The following RPH3AL variants were observed in gnomAD, a reference collection of about 807,000 sequenced individuals.
RPH3AL encodes rabphilin 3A like (without C2 domains).
Under a neutral mutation model 43.1 loss-of-function variants are expected in RPH3AL, and 38 were observed. The observed-to-expected ratio is 0.88, with a 90% CI of 0.68 to 1.15. The LOEUF (loss-of-function observed/expected upper bound fraction) is 1.15, where lower values mean the gene tolerates loss of function less well. Among genes scored for constraint, RPH3AL ranks in the 50% most tolerant of loss-of-function variants. The pLI, the probability that RPH3AL is intolerant of heterozygous loss-of-function variation, is 0.00. For missense variants in RPH3AL, 462 were observed against 423.2 expected, an observed-to-expected ratio of 1.09 and a Z score of -0.81; for synonymous variants, 189 against 176.3, an observed-to-expected ratio of 1.07 and a Z score of -0.57.
rs112330329 is a variant in RPH3AL at position 304,205 on chromosome 17, A to G, written c.351+15215T>C. Among the ~76,000 whole-genome samples, 698 of 124,718 alleles carry G rather than the reference A, an allele frequency of 5.6e-3. 169 individuals are homozygous for G. The highest frequency in any genetic ancestry group is 0.027 in the African/African-American group (595 of 22,432). 81.8% of individuals were successfully genotyped at this position (124,718 alleles called of 152,430 possible). On this transcript the variant is annotated intron_variant, in intron 5 of 9. Transcript: ENST00000331302. ...TGTACTGAGGTTTTAATAATTATTG[A>G]GCAGTGACCGTGTCTCAGGCACCGT...
intron 5 of RPH3AL, among the ~76,000 whole-genome samples, chr17:296,468 A>G (rs992517856): frequency 2.0e-5 from 3 of 152,040 alleles, no homozygotes; most frequent in Non-Finnish European, 4.4e-5. Context: ...GGGAATGCAC[A>G]TCGGTGTGGG....
intron 6 of RPH3AL, among the ~76,000 whole-genome samples, chr17:280,811 G>C (rs2042762182): frequency 6.6e-6 from 1 of 152,180 alleles, no homozygotes; most frequent in Non-Finnish European, 1.5e-5. Flanking sequence ...GCTCTGAAAT[G>C]TATCCAGCGG....
intron 7 of RPH3AL, among the ~76,000 whole-genome samples, chr17:241,241 T>C (rs1162612967): frequency 6.6e-6 from 1 of 150,862 alleles, no homozygotes; most frequent in Non-Finnish European, 1.5e-5. Flanking sequence ...TATACGAATT[T>C]AAAAGTTTGG....
At chr17:269,057 T>G (rs544048871) in intron 6 of RPH3AL, among the ~76,000 whole-genome samples, 1 of 152,140 alleles carries the variant, frequency 6.6e-6, no homozygotes, top group Non-Finnish European at 1.5e-5. Flanking sequence ...TTTTTGTATT[T>G]TTAGTAGAGA....
rs1850275201 is a variant in RPH3AL at position 213,355 on chromosome 17, G to C, written c.*497C>G. 1 of 175,116 alleles carries C rather than the reference G, an allele frequency of 5.7e-6. No individual in the cohort carries two copies. Among genetic ancestry groups the C allele is most frequent in the African/African-American group, 2.4e-5 (1 of 41,670 alleles). The allele number at this position is 175,116 out of a possible 1,614,324, so 10.8% of individuals were successfully genotyped here. On this transcript the variant is annotated 3_prime_UTR_variant, in exon 10 of 10. Coordinates refer to ENST00000331302, the MANE Select transcript of RPH3AL (RefSeq NM_006987.4). ...AGGGGGGCACTGCGCCTGCCTCCCA[G>C]AGCTGAAGGGAGAGGGAGAGGGTGG...
intron 6 of RPH3AL, among the ~76,000 whole-genome samples, chr17:252,024 G>C (rs1555542749): frequency 6.7e-6 from 1 of 150,162 alleles, no homozygotes; most frequent in East Asian, 2.0e-4. Flanking sequence ...CCAGGACGGA[G>C]TGCAGTGGAG....
chr17:349,600 T>A lies in RPH3AL; in HGVS notation c.-213+3112A>T, dbSNP rs192068985. ...ACTTTGGGAGGCCAAGGTGGGAGGA[T>A]TGCTTGAGGCCAGGAGTTCGAGACC... On this transcript the variant is annotated intron_variant, in intron 1 of 9. Coordinates refer to ENST00000331302, the MANE Select transcript of RPH3AL (RefSeq NM_006987.4). 3.0e-3 allele frequency among the ~76,000 whole-genome samples: 461 copies of A among 152,210 alleles called. 7 individuals are homozygous for A. Among genetic ancestry groups the A allele is most frequent in the African/African-American group, 0.011 (452 of 41,524 alleles).
intron 1 of RPH3AL, among the ~76,000 whole-genome samples, chr17:336,392 C>G (rs73286626): frequency 0.04 from 6,127 of 152,240 alleles, 175 homozygotes; most frequent in East Asian, 0.11. Flanking sequence ...CAAGCGGGCT[C>G]GAGTGGATTC....
chr17:337,533 C>T (rs2044992479), intron 1 of RPH3AL, among the ~76,000 whole-genome samples: 1 of 152,232 alleles, frequency 6.6e-6, no homozygotes. Flanking sequence ...AAGACTCCTG[C>T]AGCCTTTCTT....
In RPH3AL at chr17:213,884, C is replaced by T; in HGVS notation, c.916G>A (p.Ala306Thr). 7.4e-6 allele frequency: 12 copies of T among 1,613,796 alleles called. No individual in the cohort carries two copies. Among genetic ancestry groups the T allele is most frequent in the Non-Finnish European group, 1.0e-5 (12 of 1,179,972 alleles). ...TPGRAPAADA[A>T]PAGPSSCLG is the part of the protein sequence containing the mutation. ...AGGCAGCTGGAGGGGCCTGCTGGAGCTGCGTCAGCAGCGGGGGCTCGTCCA... is the reference window on the plus strand; with the variant it reads ...AGGCAGCTGGAGGGGCCTGCTGGAGTTGCGTCAGCAGCGGGGGCTCGTCCA... Residue 306 changes from alanine to threonine, a missense_variant, in exon 10 of 10, where the codon GCT (alanine) becomes ACT (threonine). Physicochemically the swap from Ala to Thr is moderately conservative, Grantham distance 58 (BLOSUM62 0). Coordinates refer to ENST00000331302, the MANE Select transcript of RPH3AL (RefSeq NM_006987.4).
chr17:276,905 G>A (rs2042668800), intron 6 of RPH3AL, among the ~76,000 whole-genome samples: 1 of 152,240 alleles, frequency 6.6e-6, no homozygotes, highest in East Asian at 1.9e-4. Context: ...TATCTGTAAA[G>A]TGGTCTTTTT....
intron 5 of RPH3AL, among the ~76,000 whole-genome samples, chr17:302,377 C>G (rs2043350802): frequency 6.6e-6 from 1 of 152,174 alleles, no homozygotes; most frequent in Non-Finnish European, 1.5e-5. Flanking sequence ...TCACCCCGCC[C>G]CACCCACTAC....
chr17:345,661 GCGTGCTCCC>G (rs1567541351), intron 1 of RPH3AL, among the ~76,000 whole-genome samples: 896 of 76,814 alleles, frequency 0.012, 195 homozygotes, highest in Non-Finnish European at 0.026. Flanking sequence ...GCTGGGGCAC[GCGTGCTCCC>G]CATCTGCGCG....
At chr17:307,379 A>G (rs1253612117) in intron 5 of RPH3AL, among the ~76,000 whole-genome samples, 12 of 139,998 alleles carry the variant, frequency 8.6e-5, no homozygotes, top group South Asian at 2.4e-4. Context: ...GGTCCATCCC[A>G]CGGCAGGTCC....
In RPH3AL at chr17:246,718, A is replaced by G. The variant is rs528349385; in HGVS notation, c.613+393T>C. On this transcript the variant is annotated intron_variant, in intron 7 of 9. Transcript: ENST00000331302. This position sits in a 1 kb window ranked among gnomAD's most constrained non-coding sequence, Gnocchi z 4.8. ...GCCAGGAGTCCTCCCTTACCGAGAC[A>G]CAAGGCAAGTGCCAGGAAGAGATGG... Among the ~76,000 whole-genome samples, 4 of 152,278 alleles carry G rather than the reference A, an allele frequency of 2.6e-5. No homozygotes were observed. The East Asian group carries it at 7.7e-4, about 29-fold the overall frequency.
rs1248070483 is a variant in RPH3AL, at chr17:289,149, A to C, written c.352-7295T>G. ...CTCGCCTTCTGAGCCTCACTTCCTC[A>C]TCTGTAAGTTGGTGGTAACAGGCCC... On this transcript the variant is annotated intron_variant, in intron 5 of 9. Transcript: ENST00000331302. This position sits in a 1 kb window ranked among gnomAD's most constrained non-coding sequence, Gnocchi z 5.2. 6.6e-6 allele frequency among the ~76,000 whole-genome samples: 1 copy of C among 152,112 alleles called. No homozygotes were observed. Among genetic ancestry groups the C allele is most frequent in the Non-Finnish European group, 1.5e-5 (1 of 68,020 alleles).
At chr17:294,135 A>G (rs529171618) in intron 5 of RPH3AL, among the ~76,000 whole-genome samples, 1 of 152,320 alleles carries the variant, frequency 6.6e-6, no homozygotes, top group South Asian at 2.1e-4. Context: ...TTCATTCAGC[A>G]TCTGTGGAGG....
At chr17:291,291 G>A (rs1347413364) in intron 5 of RPH3AL, among the ~76,000 whole-genome samples, 1 of 152,156 alleles carries the variant, frequency 6.6e-6, no homozygotes, top group East Asian at 1.9e-4. Context: ...TGCAATCCCA[G>A]TGCTTTGGGA....
intron 7 of RPH3AL, among the ~76,000 whole-genome samples, chr17:226,280 G>A (rs1478810858): frequency 6.6e-6 from 1 of 152,052 alleles, no homozygotes; most frequent in African/African-American, 2.4e-5. Flanking sequence ...AGGTGACACA[G>A]CAGGCGCCAG....
Sources: gnomAD v4.1 joint callset for allele counts (sites outside exome capture counted in the v4.1 genomes callset) on GRCh38, gnomAD v4.1.1 for gene constraint, Gnocchi (gnomAD v3.1) non-coding constraint, MANE v1.5 for transcripts, NCBI Gene and HGNC (gene_info 2026-07-23, HGNC 2026-07-21) for gene names.